AKAP9: variants seen among roughly 807,000 people sequenced by gnomAD.
The protein encoded by AKAP9 is A-kinase anchor protein 9.
In AKAP9, 311 loss-of-function variants were observed where a neutral mutation model predicts 488.5. The ratio of observed to expected loss-of-function variants is 0.64; its 90% CI spans 0.58 to 0.70. The LOEUF is 0.70. Among genes scored for constraint, AKAP9 ranks in the 30% least tolerant of loss-of-function variants. AKAP9 has a pLI of 0.00. For missense variants in AKAP9, 4,215 were observed against 4,374.5 expected (o/e 0.96, Z 1.03); for synonymous variants, 1,462 against 1,483.5 (o/e 0.99, Z 0.33).
chr7:92,022,810 A>G lies in AKAP9; in HGVS notation c.3953-4A>G. ...TGCATTTTTTGTCTCTTTATATAAC[A>G]TAGATGTCAATCATAAAAGCAAGTT... On this transcript the variant is annotated splice_polypyrimidine_tract_variant and splice_region_variant and intron_variant, in intron 13 of 49. Coordinates refer to ENST00000356239, the MANE Select transcript of AKAP9 (RefSeq NM_005751.5). The G allele has an allele frequency of 1.3e-6, 2 of 1,562,674 alleles. No homozygotes were observed. Among genetic ancestry groups the G allele is most frequent in the Non-Finnish European group, 1.8e-6 (2 of 1,136,084 alleles).
chr7:92,056,063 G>A (rs1483427279), intron 22 of AKAP9, among the ~76,000 whole-genome samples: 1 of 124,144 alleles, frequency 8.1e-6, no homozygotes, highest in Non-Finnish European at 1.7e-5. Flanking sequence ...TCATCTTTCT[G>A]AACATGAATT....
chr7:92,089,325 T>C (rs971143743), intron 37 of AKAP9, 60 bp from the exon 38 acceptor site: 11 of 1,579,106 alleles, frequency 7.0e-6, no homozygotes, highest in Non-Finnish European at 9.5e-6. Context: ...GATTTCTTGG[T>C]TGTTAATTGT....
chr7:92,046,416 G>A (rs761600772), intron 21 of AKAP9, among the ~76,000 whole-genome samples: 1 of 152,184 alleles, frequency 6.6e-6, no homozygotes, highest in African/African-American at 2.4e-5. Flanking sequence ...GAAATGAAAA[G>A]AAATTATCCC....
In AKAP9 at chr7:92,042,539, C is replaced by A. The variant is rs926192; in HGVS notation, c.5059-129C>A. The A allele has an allele frequency of 0.4, 270,146 of 670,426 alleles. 57,454 individuals carry two copies. Among genetic ancestry groups the A allele is most frequent in the African/African-American group, 0.63 (34,926 of 55,270 alleles). 41.5% of individuals were successfully genotyped at this position (670,426 alleles called of 1,614,324 possible). A position where few individuals can be genotyped will look rare whatever the true frequency, so the allele number is the denominator to read the frequency against. On this transcript the variant is annotated intron_variant, in intron 19 of 49. Coordinates refer to ENST00000356239, the MANE Select transcript of AKAP9 (RefSeq NM_005751.5). Reference sequence around the variant, plus strand: ...CGAGTGTAGTTAAATATTATACCAACCAGTATCAATTTTGTGCACAGAGGT... The same window carrying A: ...CGAGTGTAGTTAAATATTATACCAAACAGTATCAATTTTGTGCACAGAGGT...
At chr7:92,041,826 C>A in intron 18 of AKAP9, 1 of 414,182 alleles carries the variant, frequency 2.4e-6, no homozygotes, top group Non-Finnish European at 4.3e-6. Context: ...ATTAATTGAA[C>A]TGCACAAATT....
intron 12 of AKAP9, among the ~76,000 whole-genome samples, chr7:92,021,896 A>G (rs900933716): frequency 2.0e-5 from 3 of 152,228 alleles, no homozygotes; most frequent in Non-Finnish European, 2.9e-5. Flanking sequence ...AAAATTTATT[A>G]TGTATGAATT....
rs774938501 is a variant in AKAP9 at position 92,099,845 on chromosome 7, A to T, written c.10872A>T (p.Arg3624=). 6.2e-7 allele frequency: 1 copy of T among 1,614,064 alleles called. No individual in the cohort carries two copies. The highest frequency in any genetic ancestry group is 1.1e-5 in the South Asian group (1 of 91,078). ...TGGAAGAGCAGATCAGGTGGTATCG[A>T]CAGACAGGAGCTGGTAGAGATAATG... ...MKLEEQIRWY[R]QTGAGRDNSS... Residue 3624 remains arginine (R), a synonymous_variant, in exon 44 of 50, where the codon CGA becomes CGT. Transcript: ENST00000356239.
chr7:91,944,175 T>C (rs1394053283), intron 1 of AKAP9, among the ~76,000 whole-genome samples: 1 of 151,988 alleles, frequency 6.6e-6, no homozygotes, highest in Non-Finnish European at 1.5e-5. Context: ...GTGTGGAAAA[T>C]GCCCACAAAT....
intron 20 of AKAP9, among the ~76,000 whole-genome samples, chr7:92,044,433 T>A (rs1479975956): frequency 6.6e-6 from 1 of 152,208 alleles, no homozygotes; most frequent in Non-Finnish European, 1.5e-5. Context: ...CAGACCTTTT[T>A]AAAAACACAT....
intron 3 of AKAP9, among the ~76,000 whole-genome samples, chr7:91,984,068 C>G (rs1048251289): frequency 1.6e-4 from 25 of 152,022 alleles, no homozygotes; most frequent in Admixed American, 5.2e-4. Context: ...AAATTTTCTC[C>G]CATTCTGTAG....
At chr7:91,964,381 C>T (rs1794156874) in intron 1 of AKAP9, among the ~76,000 whole-genome samples, 1 of 152,024 alleles carries the variant, frequency 6.6e-6, no homozygotes, top group South Asian at 2.1e-4. Flanking sequence ...TTTAATATGG[C>T]GTCATCATAG....
At chr7:91,998,646 A>G (rs563041946) in intron 7 of AKAP9, among the ~76,000 whole-genome samples, 1 of 151,916 alleles carries the variant, frequency 6.6e-6, no homozygotes, top group South Asian at 2.1e-4. Context: ...TCCCCTATAT[A>G]AATCAGGAAA....
Position 92,022,219 on chromosome 7 carries a change from A to C in AKAP9, c.3838-19A>C. 1.3e-6 allele frequency: 2 copies of C among 1,524,852 alleles called. No homozygotes were observed. Among genetic ancestry groups the C allele is most frequent in the Non-Finnish European group, 1.8e-6 (2 of 1,098,742 alleles). 94.5% of individuals were successfully genotyped at this position (1,524,852 alleles called of 1,614,324 possible). A position where few individuals can be genotyped will look rare whatever the true frequency, so the allele number is the denominator to read the frequency against. On this transcript the variant is annotated intron_variant, in intron 12 of 49. Transcript: ENST00000356239. ...ATTATGTATTTATGTTACTGCTTTT[A>C]TTCTGTGGTTTTCAATAGATCTGGG...
chr7:91,992,744 C>T (rs907791017), intron 4 of AKAP9, 141 bp from the exon 5 acceptor site: 21 of 672,842 alleles, frequency 3.1e-5, no homozygotes, highest in African/African-American at 7.3e-5. Flanking sequence ...AATATGTTAA[C>T]GAAGTAGGTT....
At chr7:92,034,499 T>TA (rs11439002) in intron 16 of AKAP9, among the ~76,000 whole-genome samples, 6,450 of 55,964 alleles carry the variant, frequency 0.12, 170 homozygotes, top group East Asian at 0.33. Flanking sequence ...TATATATATA[T>TA]TTTTTTTTTT....
In AKAP9 at chr7:92,065,470, A is replaced by G; in HGVS notation, c.6210+7A>G. 6.3e-7 allele frequency: 1 copy of G among 1,582,648 alleles called. No individual in the cohort carries two copies. Among genetic ancestry groups the G allele is most frequent in the Non-Finnish European group, 8.7e-7 (1 of 1,153,108 alleles). ...AATGAGAAAATTTTTAGATGTAAGT[A>G]TTCTCAAGTTGAATACTGATTTTTC... On this transcript the variant is annotated splice_region_variant and intron_variant, in intron 25 of 49. Coordinates refer to ENST00000356239, the MANE Select transcript of AKAP9 (RefSeq NM_005751.5).
chr7:92,040,926 C>A, intron 18 of AKAP9, 28 bp downstream of exon 18: 1 of 1,562,086 alleles, frequency 6.4e-7, no homozygotes, highest in Non-Finnish European at 8.7e-7. Context: ...CCCTTTCTCT[C>A]CCCAGTTATT....
intron 1 of AKAP9, among the ~76,000 whole-genome samples, chr7:91,948,982 C>T (rs559256261): frequency 6.6e-6 from 1 of 152,180 alleles, no homozygotes; most frequent in Non-Finnish European, 1.5e-5. Context: ...AACTCCTGAC[C>T]TCAGGTGATC....
At chr7:91,987,754 A>G (rs879311881) in intron 3 of AKAP9, among the ~76,000 whole-genome samples, 9 of 152,280 alleles carry the variant, frequency 5.9e-5, no homozygotes, top group Non-Finnish European at 1.2e-4. Flanking sequence ...AGCCATATCC[A>G]CCTATTCAGG....
Sources: gnomAD v4.1 joint callset for allele counts (sites outside exome capture counted in the v4.1 genomes callset) on GRCh38, gnomAD v4.1.1 for gene constraint, MANE v1.5 for transcripts, NCBI Gene and HGNC (gene_info 2026-07-23, HGNC 2026-07-21) for gene names.